Variants in ZNF25 observed in about 807,000 individuals in gnomAD.
The protein encoded by ZNF25 is zinc finger protein 25 (KOX 19).
In ZNF25, 21 loss-of-function variants were observed where a neutral mutation model predicts 30.9. The observed-to-expected ratio is 0.68, with a 90% confidence interval of 0.48 to 0.98. ZNF25 has a LOEUF of 0.98. ZNF25 is among the 50% of genes least tolerant of loss of function. ZNF25 has a pLI of 0.00. For missense variants in ZNF25, 501 were observed against 529.9 expected, an observed-to-expected ratio of 0.95 and a Z score of 0.54; for synonymous variants, 169 against 181.3, an observed-to-expected ratio of 0.93 and a Z score of 0.55.
chr10:37,962,091 C>CCA (rs2062915199), intron 2 of ZNF25, among the ~76,000 whole-genome samples: 2 of 151,438 alleles, frequency 1.3e-5, no homozygotes, highest in African/African-American at 4.9e-5. Context: ...AAAAAATTAG[C>CCA]AGGGCATGGT....
chr10:37,954,044 G>A (rs1192321120), intron 4 of ZNF25, among the ~76,000 whole-genome samples: 1 of 152,158 alleles, frequency 6.6e-6, no homozygotes, highest in Non-Finnish European at 1.5e-5. Flanking sequence ...CGGGAGAGGA[G>A]AACATAGGAC....
chr10:37,971,625 CATT>C (rs2063492034), intron 2 of ZNF25, 80 bp downstream of exon 2: 1 of 1,493,386 alleles, frequency 6.7e-7, no homozygotes, highest in Non-Finnish European at 9.1e-7. Context: ...TCATAAAACT[CATT>C]AAACACACAC....
intron 2 of ZNF25, among the ~76,000 whole-genome samples, chr10:37,967,131 G>C (rs1365454344): frequency 1.3e-5 from 2 of 152,136 alleles, no homozygotes; most frequent in Non-Finnish European, 1.5e-5. Context: ...ACTACCCAAA[G>C]AAATCTACAG....
intron 2 of ZNF25, among the ~76,000 whole-genome samples, chr10:37,963,396 A>C (rs559470151): frequency 9.2e-5 from 14 of 152,296 alleles, no homozygotes; most frequent in African/African-American, 3.4e-4. Context: ...TGCTGGGATT[A>C]TAGGCGAGAG....
Position 37,957,427 on chromosome 10 carries a change from G to A in ZNF25, c.135C>T (p.Val45=). 1 of 1,612,806 alleles carries A rather than the reference G, an allele frequency of 6.2e-7. No individual in the cohort carries two copies. Among genetic ancestry groups the A allele is most frequent in the African/African-American group, 1.3e-5 (1 of 74,986 alleles). Residue 45 remains valine (V), a synonymous_variant, in exon 3 of 6, where the codon GTC becomes GTT. Coordinates refer to ENST00000302609, the MANE Select transcript of ZNF25 (RefSeq NM_145011.4). ...TGGGGAAGTTTTCCTCACCCACTGAGACAAGGTGACTATAGTTTTCCAGCA... is the reference window on the plus strand; with the variant it reads ...TGGGGAAGTTTTCCTCACCCACTGAAACAAGGTGACTATAGTTTTCCAGCA... ...DVMLENYSHL[V]SVGYHVNKPN... is the part of the protein sequence containing the mutation.
chr10:37,956,940 AGATTGCCG>A, intron 4 of ZNF25, 72 bp downstream of exon 4: 2 of 804,166 alleles, frequency 2.5e-6, no homozygotes, highest in Non-Finnish European at 4.0e-6. Context: ...AAAAAGTGAG[AGATTGCCG>A]AAAAGTACTT....
chr10:37,970,251 T>G (rs1025288087), intron 2 of ZNF25, among the ~76,000 whole-genome samples: 2 of 152,198 alleles, frequency 1.3e-5, no homozygotes, highest in African/African-American at 4.8e-5. Context: ...GCAAATCTAA[T>G]TCAGCAATAT....
intron 2 of ZNF25, chr10:37,967,876 G>C (rs1282187736): frequency 6.6e-6 from 1 of 152,142 alleles, no homozygotes; most frequent in Non-Finnish European, 1.5e-5. Flanking sequence ...CTAAATATAT[G>C]AGTTAAACAT....
At position 37,966,322 on chromosome 10, in the gene ZNF25, G is replaced by A. The variant is rs545845775; in HGVS notation, c.15+5386C>T. Among the ~76,000 whole-genome samples, 58 of 151,884 alleles carry A rather than the reference G, an allele frequency of 3.8e-4. 1 individual carries two copies. The South Asian group carries it at 0.011, about 29-fold the overall frequency. On this transcript the variant is annotated intron_variant, in intron 2 of 5. Coordinates refer to ENST00000302609, the MANE Select transcript of ZNF25 (RefSeq NM_145011.4). ...CCAGCTACTTGGAAGGCTGAACCAC[G>A]AGAATCTCTTGAACCCGGGAGGTGG...
intron 1 of ZNF25, among the ~76,000 whole-genome samples, chr10:37,972,413 T>A (rs2063540387): frequency 6.6e-6 from 1 of 152,164 alleles, no homozygotes; most frequent in South Asian, 2.1e-4. Context: ...TCAAAATGAG[T>A]AGGAATTAGA....
At chr10:37,958,858 G>A (rs1429235726) in intron 2 of ZNF25, among the ~76,000 whole-genome samples, 3 of 152,106 alleles carry the variant, frequency 2.0e-5, no homozygotes, top group Non-Finnish European at 2.9e-5. Context: ...GACCAGCCTG[G>A]CCAACACGGC....
rs1192636690 is a variant in ZNF25 at position 37,950,021 on chromosome 10, A to C, written c.*2106T>G. The stretch of plus-strand genomic sequence containing the variant: ...TTAACATATAAATATAATGCACAAA[A>C]TAAATATACTGCAAAAAACCACCCA... On this transcript the variant is annotated 3_prime_UTR_variant, in exon 6 of 6. Transcript: ENST00000302609. 6.6e-6 allele frequency: 1 copy of C among 152,656 alleles called. No homozygotes were observed. Among genetic ancestry groups the C allele is most frequent in the East Asian group, 1.9e-4 (1 of 5,202 alleles). 9.5% of individuals were successfully genotyped at this position (152,656 alleles called of 1,614,324 possible). A position where few individuals can be genotyped will look rare whatever the true frequency, so the allele number is the denominator to read the frequency against.
intron 4 of ZNF25, among the ~76,000 whole-genome samples, chr10:37,954,866 T>C (rs867203460): frequency 1.3e-5 from 2 of 152,148 alleles, no homozygotes; most frequent in South Asian, 4.1e-4. Flanking sequence ...TAAGATCATA[T>C]GTATAAGCCA....
chr10:37,975,011 C>T (rs189457671), intron 1 of ZNF25, among the ~76,000 whole-genome samples: 1 of 152,198 alleles, frequency 6.6e-6, no homozygotes, highest in African/African-American at 2.4e-5. Flanking sequence ...AAGCCAGGCA[C>T]AGAAAGACAA....
At chr10:37,971,619 A>C in intron 2 of ZNF25, 89 bp downstream of exon 2, 1 of 1,569,020 alleles carries the variant, frequency 6.4e-7, no homozygotes, top group East Asian at 2.3e-5. Flanking sequence ...TCTCGTTCAT[A>C]AAACTCATTA....
At chr10:37,961,127 T>C (rs567656561) in intron 2 of ZNF25, among the ~76,000 whole-genome samples, 1 of 152,254 alleles carries the variant, frequency 6.6e-6, no homozygotes, top group East Asian at 1.9e-4. Flanking sequence ...GAAAAGACCC[T>C]ACCACATAAT....
At chr10:37,970,071 G>C (rs893883974) in intron 2 of ZNF25, among the ~76,000 whole-genome samples, 2 of 152,210 alleles carry the variant, frequency 1.3e-5, no homozygotes, top group Non-Finnish European at 2.9e-5. Flanking sequence ...GCATGTTGTA[G>C]CTTGAAATTT....
intron 1 of ZNF25, among the ~76,000 whole-genome samples, chr10:37,973,952 A>G (rs2063649541): frequency 6.6e-6 from 1 of 152,222 alleles, no homozygotes; most frequent in East Asian, 1.9e-4. Context: ...AATGAAAAAG[A>G]GAATTGAGAA....
intron 2 of ZNF25, among the ~76,000 whole-genome samples, chr10:37,968,961 G>C (rs2063337809): frequency 6.6e-6 from 1 of 151,898 alleles, no homozygotes; most frequent in Admixed American, 6.6e-5. Context: ...ACCAATTGAT[G>C]ACAGTATATA....
Sources: allele counts gnomAD v4.1 joint callset (sites outside exome capture counted in the v4.1 genomes callset), GRCh38; gene constraint gnomAD v4.1.1; transcripts MANE v1.5; gene names NCBI Gene and HGNC (gene_info 2026-07-23, HGNC 2026-07-21).